The following MBOAT2 variants were observed in gnomAD, a reference collection of about 807,000 sequenced individuals.
MBOAT2 encodes membrane bound glycerophospholipid O-acyltransferase 2.
MBOAT2 carries 28 observed loss-of-function variants against 63.4 expected under a neutral mutation model. The ratio of observed to expected loss-of-function variants is 0.44; its 90% CI spans 0.33 to 0.61. MBOAT2 has a LOEUF of 0.61. MBOAT2 is among the 20% of genes least tolerant of loss of function. The pLI, the probability that MBOAT2 is intolerant of heterozygous loss-of-function variation, is 0.03. For missense variants in MBOAT2, 470 were observed against 605.8 expected (o/e 0.78, Z 2.35); for synonymous variants, 211 against 215.6 (o/e 0.98, Z 0.19).
chr2:8,942,826 A>C (rs1487892569), intron 3 of MBOAT2, among the ~76,000 whole-genome samples: 1 of 152,174 alleles, frequency 6.6e-6, no homozygotes, highest in Non-Finnish European at 1.5e-5. Context: ...GGTTCTTCAC[A>C]GCAGGCAATT....
chr2:8,915,089 C>G (rs967110222), intron 3 of MBOAT2, among the ~76,000 whole-genome samples: 2 of 151,482 alleles, frequency 1.3e-5, no homozygotes, highest in African/African-American at 2.4e-5. Context: ...CAGGTACCCG[C>G]CATCACACCC....
intron 2 of MBOAT2, among the ~76,000 whole-genome samples, chr2:8,954,363 T>C (rs1669056634): frequency 6.6e-6 from 1 of 151,102 alleles, no homozygotes; most frequent in African/African-American, 2.4e-5. Flanking sequence ...GTTTGTGGAG[T>C]ATATAGTGGT....
In MBOAT2 at chr2:8,985,208, C is replaced by G. The variant is rs549041827; in HGVS notation, c.75+18332G>C. Among the ~76,000 whole-genome samples, 23 of 152,280 alleles carry G rather than the reference C, an allele frequency of 1.5e-4. 1 individual carries two copies. In the South Asian group the frequency reaches 4.1e-3, roughly 27 times the overall value. ...AGAGTTAGGTCAGACACAGACAGGTCACACTGATGCTGATTGAAAAATGAT... is the reference window on the plus strand; with the variant it reads ...AGAGTTAGGTCAGACACAGACAGGTGACACTGATGCTGATTGAAAAATGAT... On this transcript the variant is annotated intron_variant, in intron 1 of 12. Coordinates refer to ENST00000305997, the MANE Select transcript of MBOAT2 (RefSeq NM_138799.4).
At chr2:8,907,257 C>T (rs572213021) in intron 4 of MBOAT2, among the ~76,000 whole-genome samples, 14 of 152,244 alleles carry the variant, frequency 9.2e-5, no homozygotes, top group African/African-American at 3.4e-4. Context: ...TTACTTTCCC[C>T]CATTTTTCTC....
intron 2 of MBOAT2, among the ~76,000 whole-genome samples, chr2:8,948,482 G>A (rs114777277): frequency 2.1e-3 from 327 of 152,222 alleles, no homozygotes; most frequent in African/African-American, 7.4e-3. Context: ...TTCAACTGTT[G>A]CTCCCCTCCT....
intron 1 of MBOAT2, among the ~76,000 whole-genome samples, chr2:8,964,632 T>C (rs1237153268): frequency 6.6e-6 from 1 of 152,166 alleles, no homozygotes; most frequent in Admixed American, 6.5e-5. Context: ...ATTGTGTTAA[T>C]ACCCAGAGTA....
chr2:8,885,994 T>C lies in MBOAT2; in HGVS notation c.451+2024A>G, dbSNP rs531886292. ...GTATGAGAACTTGGCTGGTCCACAG[T>C]CCCCTACACCGATAGGAAATGTCCC... is the stretch of plus-strand genomic sequence containing the variant. On this transcript the variant is annotated intron_variant, in intron 5 of 12. Transcript: ENST00000305997. Among the ~76,000 whole-genome samples, 7 of 152,256 alleles carry C rather than the reference T, an allele frequency of 4.6e-5. No homozygotes were observed. In the South Asian group the frequency reaches 1.2e-3, roughly 27 times the overall value.
chr2:8,937,106 T>C (rs1351910452), intron 3 of MBOAT2, among the ~76,000 whole-genome samples: 1 of 152,144 alleles, frequency 6.6e-6, no homozygotes, highest in Non-Finnish European at 1.5e-5. Context: ...GAGAGTACGG[T>C]CTGGCAAGAG....
At chr2:8,963,820 T>C (rs1669798474) in intron 1 of MBOAT2, among the ~76,000 whole-genome samples, 1 of 152,228 alleles carries the variant, frequency 6.6e-6, no homozygotes, top group Non-Finnish European at 1.5e-5. Flanking sequence ...TAGACATTAA[T>C]ATAGTGTCCA....
Position 9,003,046 on chromosome 2 carries a change from G to A in MBOAT2, c.75+494C>T, listed in dbSNP as rs910448490. On this transcript the variant is annotated intron_variant, in intron 1 of 12. Transcript: ENST00000305997. This position sits in a 1 kb window ranked among gnomAD's most constrained non-coding sequence, Gnocchi z 5.4. ...TAGCACCCATCGACGCCGTCTCTAA[G>A]GCACCCAGCACACCCAGACCCATGC... Among the ~76,000 whole-genome samples, 1 of 152,082 alleles carries A rather than the reference G, an allele frequency of 6.6e-6. No individual in the cohort carries two copies. The highest frequency in any genetic ancestry group is 2.1e-4 in the South Asian group (1 of 4,826).
intron 4 of MBOAT2, among the ~76,000 whole-genome samples, chr2:8,900,043 T>C (rs1225112825): frequency 6.6e-6 from 1 of 152,104 alleles, no homozygotes; most frequent in Non-Finnish European, 1.5e-5. Context: ...AGGCCCCCCA[T>C]AGCTGTTCAA....
rs1661091619 is a variant in MBOAT2, at chr2:8,856,457, C to T, written c.*2222G>A. On this transcript the variant is annotated 3_prime_UTR_variant, in exon 13 of 13. Transcript: ENST00000305997. This position sits in a 1 kb window ranked among gnomAD's most constrained non-coding sequence, Gnocchi z 4.2. ...CTCTTAATAGCAGTCGGATTCTCTG[C>T]AACATTAATGAAAATGATCAAACAT... The T allele has an allele frequency of 6.6e-6, 1 of 152,122 alleles. No homozygotes were observed. Among genetic ancestry groups the T allele is most frequent in the African/African-American group, 2.4e-5 (1 of 41,404 alleles). The allele number at this position is 152,122 out of a possible 1,614,324, so 9.4% of individuals were successfully genotyped here.
intron 1 of MBOAT2, among the ~76,000 whole-genome samples, chr2:8,963,957 G>A (rs1669808298): frequency 6.6e-6 from 1 of 152,194 alleles, no homozygotes; most frequent in African/African-American, 2.4e-5. Flanking sequence ...CAGCCACCTT[G>A]CACAACCAGG....
At chr2:8,908,598 C>T in intron 4 of MBOAT2, 23 bp downstream of exon 4, 1 of 1,396,940 alleles carries the variant, frequency 7.2e-7, no homozygotes, top group Non-Finnish European at 1.0e-6. Context: ...AAACAGGCTA[C>T]TGAATCAAAG....
At chr2:8,944,656 C>A (rs1422424712) in intron 2 of MBOAT2, among the ~76,000 whole-genome samples, 11 of 143,108 alleles carry the variant, frequency 7.7e-5, no homozygotes. Context: ...CTGACACACA[C>A]ACACACACAC....
chr2:8,982,160 G>A (rs560943415), intron 1 of MBOAT2, among the ~76,000 whole-genome samples: 3 of 152,054 alleles, frequency 2.0e-5, no homozygotes, highest in Non-Finnish European at 4.4e-5. Context: ...ACATGAAAAC[G>A]CTAATGTATG....
intron 1 of MBOAT2, among the ~76,000 whole-genome samples, chr2:8,978,086 T>C (rs9973936): frequency 0.11 from 16,377 of 152,014 alleles, 1,065 homozygotes; most frequent in African/African-American, 0.18. Context: ...CCCTAAAACA[T>C]TCTACAGACT....
rs1661298859 is a variant in MBOAT2 at position 8,858,874 on chromosome 2, A to G, written c.1368T>C (p.Gly456=). 1 of 1,612,464 alleles carries G rather than the reference A, an allele frequency of 6.2e-7. No individual in the cohort carries two copies. Among genetic ancestry groups the G allele is most frequent in the African/African-American group, 1.3e-5 (1 of 74,846 alleles). The change falls in exon 13 of 13, where the codon GGT becomes GGC. Residue 456 remains glycine (G), a synonymous_variant. Coordinates refer to ENST00000305997, the MANE Select transcript of MBOAT2 (RefSeq NM_138799.4). ...SSWYYCLHIL[G]ILVLLLLPVK... Reference sequence around the variant, plus strand: ...CTGGCAACAACAATAATACTAAGATACCAAGAATGTGCAGGCAATAATACC... The same window carrying G: ...CTGGCAACAACAATAATACTAAGATGCCAAGAATGTGCAGGCAATAATACC...
intron 1 of MBOAT2, among the ~76,000 whole-genome samples, chr2:8,965,518 T>C (rs1460554717): frequency 2.0e-5 from 3 of 152,160 alleles, no homozygotes; most frequent in Non-Finnish European, 2.9e-5. Flanking sequence ...TAAGGGTGCT[T>C]ACACTTTAAT....
Sources: gnomAD v4.1 joint callset for allele counts (sites outside exome capture counted in the v4.1 genomes callset) on GRCh38, gnomAD v4.1.1 for gene constraint, Gnocchi (gnomAD v3.1) non-coding constraint, MANE v1.5 for transcripts, NCBI Gene and HGNC (gene_info 2026-07-23, HGNC 2026-07-21) for gene names.